SLC4A4: variants seen among roughly 807,000 people sequenced by gnomAD.
SLC4A4 encodes solute carrier family 4 member 4.
A neutral mutation model predicts 111.5 loss-of-function variants in SLC4A4; 27 were observed. That is an observed-to-expected ratio of 0.24 (90% CI 0.18 to 0.33). The LOEUF (loss-of-function observed/expected upper bound fraction) is 0.33, where lower values mean the gene tolerates loss of function less well. Among genes scored for constraint, SLC4A4 ranks in the 10% least tolerant of loss-of-function variants. The probability of loss-of-function intolerance (pLI) is 1.00; values close to 1 mark genes in which losing one functional copy is unlikely to be tolerated. For synonymous variants in SLC4A4, 443 were observed against 463.4 expected, an observed-to-expected ratio of 0.96 and a Z score of 0.57; for missense variants, 909 against 1,315.5, an observed-to-expected ratio of 0.69 and a Z score of 4.78.
At chr4:71,567,331 C>G (rs1273078484) in intron 25 of SLC4A4, among the ~76,000 whole-genome samples, 1 of 151,690 alleles carries the variant, frequency 6.6e-6, no homozygotes, top group African/African-American at 2.4e-5. Context: ...TCAACATTAG[C>G]TCTTTTAATT....
At chr4:71,349,801 A>C (rs1422936802) in intron 4 of SLC4A4, 111 bp from the exon 5 acceptor site, 1 of 920,284 alleles carries the variant, frequency 1.1e-6, no homozygotes, top group Non-Finnish European at 1.7e-6. Flanking sequence ...ACTCCACAAA[A>C]AGAGACATTT....
intron 3 of SLC4A4, among the ~76,000 whole-genome samples, chr4:71,280,064 G>T (rs368257677): frequency 6.6e-6 from 1 of 152,190 alleles, no homozygotes; most frequent in Non-Finnish European, 1.5e-5. Context: ...AAAGTGCTGG[G>T]ATCACAGGTG....
chr4:71,186,801 C>T (rs924963505), upstream of SLC4A4: 1 of 152,212 alleles, frequency 6.6e-6, no homozygotes, highest in African/African-American at 2.4e-5. Flanking sequence ...CCGTGAGCCC[C>T]CGCACCCCGG....
At chr4:71,525,141 ATAG>A in intron 16 of SLC4A4, among the ~76,000 whole-genome samples, 1 of 152,236 alleles carries the variant, frequency 6.6e-6, no homozygotes, top group Middle Eastern at 3.4e-3. Flanking sequence ...TATGTTTATA[ATAG>A]ATTTATTAAG....
intron 3 of SLC4A4, among the ~76,000 whole-genome samples, chr4:71,292,960 G>A (rs1367011339): frequency 2.0e-5 from 3 of 147,462 alleles, no homozygotes; most frequent in Non-Finnish European, 4.5e-5. Context: ...TCCTGCCTCA[G>A]CCTCCCAAGT....
intron 3 of SLC4A4, among the ~76,000 whole-genome samples, chr4:71,266,447 C>G (rs1722266424): frequency 6.6e-6 from 1 of 152,146 alleles, no homozygotes; most frequent in African/African-American, 2.4e-5. Flanking sequence ...GGCAATTGTG[C>G]AGCTTTTTGA....
At chr4:71,363,549 A>G (rs1730990465) in intron 6 of SLC4A4, among the ~76,000 whole-genome samples, 1 of 152,148 alleles carries the variant, frequency 6.6e-6, no homozygotes, top group Non-Finnish European at 1.5e-5. Context: ...CCCTTAATCA[A>G]TGTGTAAGGC....
At chr4:71,092,995 T>A (rs1344715135) in intron 2 of SLC4A4, among the ~76,000 whole-genome samples, 1 of 151,174 alleles carries the variant, frequency 6.6e-6, no homozygotes, top group East Asian at 2.0e-4. Flanking sequence ...CTCGGGAGGC[T>A]GAGGCAGGAG....
intron 1 of SLC4A4, among the ~76,000 whole-genome samples, chr4:71,202,404 C>A (rs1219244715): frequency 6.6e-6 from 1 of 152,152 alleles, no homozygotes; most frequent in Non-Finnish European, 1.5e-5. Flanking sequence ...ACTCACCCTT[C>A]CCCCACCTCC....
chr4:71,492,239 G>A (rs1006746923), intron 15 of SLC4A4, among the ~76,000 whole-genome samples: 3 of 151,634 alleles, frequency 2.0e-5, no homozygotes, highest in Non-Finnish European at 4.4e-5. Flanking sequence ...CCCCATATAC[G>A]CATCACCTAG....
At chr4:71,382,161 A>G (rs1266150493) in intron 6 of SLC4A4, among the ~76,000 whole-genome samples, 1 of 151,796 alleles carries the variant, frequency 6.6e-6, no homozygotes, top group African/African-American at 2.4e-5. Context: ...AGTGAATGTA[A>G]TTTTTATAGT....
intron 4 of SLC4A4, among the ~76,000 whole-genome samples, chr4:71,346,013 G>A (rs1729295553): frequency 1.3e-5 from 2 of 151,978 alleles, no homozygotes; most frequent in South Asian, 4.1e-4. Flanking sequence ...TACGTAGTTG[G>A]AATTTATTTA....
At chr4:71,454,122 T>A (rs966369134) in intron 12 of SLC4A4, among the ~76,000 whole-genome samples, 2 of 152,198 alleles carry the variant, frequency 1.3e-5, no homozygotes, top group African/African-American at 4.8e-5. Flanking sequence ...TGGGTTTGCA[T>A]GTTTACCAGT....
intron 3 of SLC4A4, among the ~76,000 whole-genome samples, chr4:71,319,873 A>G (rs10518087): frequency 0.075 from 11,447 of 151,988 alleles, 778 homozygotes; most frequent in Admixed American, 0.22. Flanking sequence ...TGGTCTTATA[A>G]TTCGGATCCC....
chr4:71,138,252 T>C (rs1743898070), intron 2 of SLC4A4, among the ~76,000 whole-genome samples: 1 of 152,188 alleles, frequency 6.6e-6, no homozygotes, highest in South Asian at 2.1e-4. Flanking sequence ...AATATATTAA[T>C]ACTATCCATT....
chr4:71,450,791 G>T (rs180959523), intron 10 of SLC4A4, among the ~76,000 whole-genome samples: 1 of 152,196 alleles, frequency 6.6e-6, no homozygotes, highest in African/African-American at 2.4e-5. Context: ...TACTACATGG[G>T]AATGTATCAC....
At chr4:71,207,641 C>T (rs1717849451) in intron 1 of SLC4A4, among the ~76,000 whole-genome samples, 1 of 152,154 alleles carries the variant, frequency 6.6e-6, no homozygotes, top group African/African-American at 2.4e-5. Context: ...GGAAGTGATG[C>T]AAAATTTGCT....
At chr4:71,421,415 T>A (rs1454742138) in intron 7 of SLC4A4, among the ~76,000 whole-genome samples, 2 of 152,100 alleles carry the variant, frequency 1.3e-5, no homozygotes, top group Non-Finnish European at 2.9e-5. Flanking sequence ...CTGTCAACAT[T>A]AGACAGATCA....
chr4:71,529,642 C>G (rs1338727938), intron 16 of SLC4A4, among the ~76,000 whole-genome samples: 1 of 152,022 alleles, frequency 6.6e-6, no homozygotes, highest in Non-Finnish European at 1.5e-5. Context: ...TCCACCAGGA[C>G]CAGAGGTATA....
Sources: allele counts gnomAD v4.1 joint callset (sites outside exome capture counted in the v4.1 genomes callset), GRCh38; gene constraint gnomAD v4.1.1; transcripts MANE v1.5; gene names NCBI Gene and HGNC (gene_info 2026-07-23, HGNC 2026-07-21).